CACNA1A: variants seen among roughly 807,000 people sequenced by gnomAD.
The protein encoded by CACNA1A is voltage-dependent P/Q-type calcium channel subunit alpha-1A.
A neutral mutation model predicts 262.4 loss-of-function variants in CACNA1A; 57 were observed. The observed-to-expected ratio is 0.22, with a 90% CI of 0.18 to 0.27. The LOEUF (loss-of-function observed/expected upper bound fraction) is 0.27. CACNA1A is among the 10% of genes least tolerant of loss of function. The pLI, the probability that CACNA1A is intolerant of heterozygous loss-of-function variation, is 1.00. For synonymous variants in CACNA1A, 1,431 were observed against 1,419.3 expected, an observed-to-expected ratio of 1.01 and a Z score of -0.18; for missense variants, 2,526 against 3,562.8, an observed-to-expected ratio of 0.71 and a Z score of 7.41.
In CACNA1A at chr19:13,468,759, C is replaced by G. The variant is rs181043506; in HGVS notation, c.294-13547G>C. On this transcript the variant is annotated intron_variant, in intron 1 of 46. Transcript: ENST00000360228. ...CCAAGATCGTGCCGCTGCACTCCAA[C>G]CTGGGTGACAGAGCAAGACTCTGTC... Among the ~76,000 whole-genome samples, 8 of 152,218 alleles carry G rather than the reference C, an allele frequency of 5.3e-5. No individual in the cohort carries two copies. The East Asian group carries it at 1.5e-3, about 29-fold the overall frequency.
intron 30 of CACNA1A, among the ~76,000 whole-genome samples, chr19:13,246,466 A>G (rs2056237453): frequency 6.6e-6 from 1 of 152,104 alleles, no homozygotes; most frequent in Non-Finnish European, 1.5e-5. Flanking sequence ...GGTAACTATG[A>G]GGCAAACAGC....
At chr19:13,371,044 A>G (rs2059314413) in intron 4 of CACNA1A, 1 of 152,182 alleles carries the variant, frequency 6.6e-6, no homozygotes, top group Admixed American at 6.5e-5. Context: ...GAGAATGAGA[A>G]AGCAGCAAGG....
chr19:13,309,797 T>C (rs1413932808), intron 12 of CACNA1A, among the ~76,000 whole-genome samples: 1 of 152,154 alleles, frequency 6.6e-6, no homozygotes, highest in East Asian at 1.9e-4. Context: ...GTAATAACCA[T>C]TTTCTTACCT....
chr19:13,283,695 CCTT>C, intron 21 of CACNA1A: 1 of 254,358 alleles, frequency 3.9e-6, no homozygotes, highest in South Asian at 8.0e-5. Context: ...GAAATACGGT[CCTT>C]AATTCTGTAG....
intron 3 of CACNA1A, among the ~76,000 whole-genome samples, chr19:13,436,716 C>T (rs1195088949): frequency 6.6e-6 from 1 of 152,200 alleles, no homozygotes; most frequent in Non-Finnish European, 1.5e-5. Flanking sequence ...ACCAAATAGA[C>T]AACATTAAGA....
chr19:13,257,388 C>T lies in CACNA1A; in HGVS notation c.4552G>A (p.Asp1518Asn). 1 of 1,613,964 alleles carries T rather than the reference C, an allele frequency of 6.2e-7. No homozygotes were observed. The highest frequency in any genetic ancestry group is 8.5e-7 in the Non-Finnish European group (1 of 1,179,854). The change falls in exon 28 of 47, where the codon GAC becomes AAC. Residue 1518 changes from aspartate (D) to asparagine (N), a missense_variant. Around this residue, in one of 17 missense-constraint regions of CACNA1A, gnomAD observed 137 missense variants for 377.7 expected, o/e 0.36. Coordinates refer to ENST00000360228, the MANE Select transcript of CACNA1A (RefSeq NM_001127222.2). ...LIIITFQEQG[D>N]KMMEEYSLEK... ...AGGCTGTATTCCTCCATCATCTTGT[C>T]CCCTTGCTCCTGGAAGGTGATGATG...
Position 13,207,205 on chromosome 19 carries a change from C to G in CACNA1A, c.*108G>C. 1 of 1,238,332 alleles carries G rather than the reference C, an allele frequency of 8.1e-7. No individual in the cohort carries two copies. The highest frequency in any genetic ancestry group is 1.1e-6 in the Non-Finnish European group (1 of 947,200). The allele number at this position is 1,238,332 out of a possible 1,614,324, so 76.7% of individuals were successfully genotyped here. On this transcript the variant is annotated 3_prime_UTR_variant, in exon 47 of 47. Coordinates refer to ENST00000360228, the MANE Select transcript of CACNA1A (RefSeq NM_001127222.2). This position sits in a 1 kb window ranked among gnomAD's most constrained non-coding sequence, Gnocchi z 5.7. ...AGAGTCTGGGGTCTCCCGGCTGGCC[C>G]TCTCCCGGGCCCTCTGTGCTGGGCC... is the stretch of plus-strand genomic sequence containing the variant.
chr19:13,273,077 G>C (rs1302206771), intron 24 of CACNA1A: 5 of 152,058 alleles, frequency 3.3e-5, no homozygotes, highest in Non-Finnish European at 7.4e-5. Flanking sequence ...CAATTCTCCT[G>C]CCTTACCCAC....
At chr19:13,249,765 T>C (rs1404336654) in intron 30 of CACNA1A, among the ~76,000 whole-genome samples, 1 of 152,110 alleles carries the variant, frequency 6.6e-6, no homozygotes, top group Non-Finnish European at 1.5e-5. Context: ...AGGGGGAGGA[T>C]GGCTCCTTTT....
Position 13,312,728 on chromosome 19 carries a change from T to C in CACNA1A, c.1609A>G (p.Met537Val). ...GLFMSEMFIK[M>V]YGLGTRPYFH... Reference sequence around the variant, plus strand: ...TAAGGCCGCGTCCCAAGCCCGTACATTTTTATAAACATTTCGGACATAAAG... The same window carrying C: ...TAAGGCCGCGTCCCAAGCCCGTACACTTTTATAAACATTTCGGACATAAAG... Residue 537 changes from methionine to valine, a missense_variant, in exon 12 of 47, where the codon ATG (methionine) becomes GTG (valine). By Grantham distance (21) the Met-to-Val change is conservative. This residue lies in a region of CACNA1A where 102 missense variants were observed against 278.9 expected (regional missense o/e 0.37). Coordinates refer to ENST00000360228, the MANE Select transcript of CACNA1A (RefSeq NM_001127222.2). 1 of 1,596,134 alleles carries C rather than the reference T, an allele frequency of 6.3e-7. No homozygotes were observed. The highest frequency in any genetic ancestry group is 8.5e-7 in the Non-Finnish European group (1 of 1,172,960).
chr19:13,234,048 T>TTA (rs1555737724), intron 34 of CACNA1A, among the ~76,000 whole-genome samples: 1 of 102,354 alleles, frequency 9.8e-6, no homozygotes, highest in Admixed American at 1.1e-4. Flanking sequence ...AGACTCCATC[T>TTA]AAAAAAAAAA....
chr19:13,262,728 T>C lies in CACNA1A; in HGVS notation c.4089+6A>G. Reference sequence around the variant, plus strand: ...CCCACCGCACCCCACCATCTCCCAATCTCACCTTGAGCTTTGGCAGCCGCT... The same window carrying C: ...CCCACCGCACCCCACCATCTCCCAACCTCACCTTGAGCTTTGGCAGCCGCT... On this transcript the variant is annotated splice_donor_region_variant and intron_variant, in intron 25 of 46. Coordinates refer to ENST00000360228, the MANE Select transcript of CACNA1A (RefSeq NM_001127222.2). 1 of 1,574,108 alleles carries C rather than the reference T, an allele frequency of 6.4e-7. No individual in the cohort carries two copies. Among genetic ancestry groups the C allele is most frequent in the Non-Finnish European group, 8.7e-7 (1 of 1,145,320 alleles).
rs1476577823 is a variant in CACNA1A, at chr19:13,506,283, C to A, written c.-59G>T. On this transcript the variant is annotated 5_prime_UTR_variant, in exon 1 of 47. Coordinates refer to ENST00000360228, the MANE Select transcript of CACNA1A (RefSeq NM_001127222.2). ...CGGCGAACGATGCGGAAGACGCCGC[C>A]GCCGCCGCCGCCGCCGCTGATGCTG... The A allele has an allele frequency of 2.2e-6, 3 of 1,340,580 alleles. No homozygotes were observed. Among genetic ancestry groups the A allele is most frequent in the Admixed American group, 3.7e-5 (1 of 27,332 alleles). The allele number at this position is 1,340,580 out of a possible 1,614,324, so 83.0% of individuals were successfully genotyped here.
rs368746976 is a variant in CACNA1A at position 13,375,967 on chromosome 19, T to C, written c.540-4188A>G. On this transcript the variant is annotated intron_variant, in intron 3 of 46. Coordinates refer to ENST00000360228, the MANE Select transcript of CACNA1A (RefSeq NM_001127222.2). ...AAGTTTTAGTGGTCTGGATAGAAGA[T>C]CAAACCAGCCACAACATTCCCTTAA... 9.2e-5 allele frequency among the ~76,000 whole-genome samples: 14 copies of C among 152,154 alleles called. No homozygotes were observed. In the East Asian group the frequency reaches 1.7e-3, roughly 19 times the overall value.
rs548356532 is a variant in CACNA1A at position 13,461,326 on chromosome 19, C to T, written c.294-6114G>A. 6.1e-5 allele frequency among the ~76,000 whole-genome samples: 9 copies of T among 148,406 alleles called. No individual in the cohort carries two copies. In the East Asian group the frequency reaches 6.1e-4, roughly 10 times the overall value. ...CTGCACTCCAGCCTGGACAACAGAA[C>T]GAGACTCCGTCTCAAAAACAAAACA... On this transcript the variant is annotated intron_variant, in intron 1 of 46. Transcript: ENST00000360228.
rs1190296340 is a variant in CACNA1A, at chr19:13,206,464, T to A, written c.*849A>T. 2 of 152,260 alleles carry A rather than the reference T, an allele frequency of 1.3e-5. No individual in the cohort carries two copies. Among genetic ancestry groups the A allele is most frequent in the African/African-American group, 2.4e-5 (1 of 41,398 alleles). The allele number at this position is 152,260 out of a possible 1,614,324, so 9.4% of individuals were successfully genotyped here. ...CCCTTTGATTCAACTTTTTTTTATT[T>A]TTTTTTTCTTTTTGAATGTCATGCA... On this transcript the variant is annotated 3_prime_UTR_variant, in exon 47 of 47. Transcript: ENST00000360228.
chr19:13,390,094 G>T lies in CACNA1A; in HGVS notation c.540-18315C>A, dbSNP rs139197878. Among the ~76,000 whole-genome samples the T allele has an allele frequency of 4.6e-4, 70 of 151,758 alleles. No homozygotes were observed. In the East Asian group the frequency reaches 7.2e-3, roughly 16 times the overall value. On this transcript the variant is annotated intron_variant, in intron 3 of 46. Transcript: ENST00000360228. The stretch of plus-strand genomic sequence containing the variant: ...TCCCAAAGTGCTGGGATTACAGGCG[G>T]GAGCCACTATGCCCCACCTACATTT...
chr19:13,427,501 T>TC (rs2060425498), intron 3 of CACNA1A, among the ~76,000 whole-genome samples: 1 of 144,632 alleles, frequency 6.9e-6, no homozygotes, highest in South Asian at 2.2e-4. Context: ...AATAAAGAGT[T>TC]CCCCCTATGA....
intron 3 of CACNA1A, among the ~76,000 whole-genome samples, chr19:13,442,442 C>T (rs1202692972): frequency 6.6e-6 from 1 of 152,114 alleles, no homozygotes; most frequent in East Asian, 1.9e-4. Flanking sequence ...GACTGCCCTC[C>T]AACAGAGATG....
Sources: allele counts gnomAD v4.1 joint callset (sites outside exome capture counted in the v4.1 genomes callset), GRCh38; gene constraint gnomAD v4.1.1; regional missense constraint gnomAD v4.1.1; non-coding constraint Gnocchi (gnomAD v3.1); transcripts MANE v1.5; gene names NCBI Gene and HGNC (gene_info 2026-07-23, HGNC 2026-07-21).